Variants in ANAPC5 observed in about 807,000 individuals in gnomAD.
The protein encoded by ANAPC5 is anaphase-promoting complex subunit 5.
In ANAPC5, 60 loss-of-function variants were observed where a neutral mutation model predicts 91.3. The ratio of observed to expected loss-of-function variants is 0.66; its 90% CI spans 0.53 to 0.81. The LOEUF (loss-of-function observed/expected upper bound fraction) is 0.81. Among genes scored for constraint, ANAPC5 ranks in the 40% least tolerant of loss-of-function variants. ANAPC5 has a pLI of 0.00. For synonymous variants in ANAPC5, 340 were observed against 364.1 expected (o/e 0.93, Z 0.75); for missense variants, 690 against 931.5 (o/e 0.74, Z 3.37).
At position 121,347,890 on chromosome 12, in the gene ANAPC5, A is replaced by G; in HGVS notation, c.208-9T>C. The G allele has an allele frequency of 1.9e-6, 3 of 1,585,820 alleles. No individual in the cohort carries two copies. The South Asian group carries it at 3.3e-5, about 18-fold the overall frequency. On this transcript the variant is annotated splice_polypyrimidine_tract_variant and intron_variant, in intron 1 of 16. Coordinates refer to ENST00000261819, the MANE Select transcript of ANAPC5 (RefSeq NM_016237.5). ...AGTGTAATATCTGGGCCCTGTGTAA[A>G]GGAGAGATAGGGAGGTATGGATTTT... is the stretch of plus-strand genomic sequence containing the variant.
At chr12:121,346,685 T>A (rs1172004605) in intron 3 of ANAPC5, 1 of 392,132 alleles carries the variant, frequency 2.6e-6, no homozygotes, top group African/African-American at 2.1e-5. Context: ...AGGCTCTGAC[T>A]CTTACTATTG....
At chr12:121,317,855 A>C (rs1902431717) in intron 15 of ANAPC5, 1 of 152,754 alleles carries the variant, frequency 6.5e-6, no homozygotes. Context: ...ATGAAGAGTC[A>C]ATTCCTTCAT....
intron 15 of ANAPC5, among the ~76,000 whole-genome samples, chr12:121,314,435 A>G (rs530563166): frequency 3.3e-5 from 5 of 152,004 alleles, no homozygotes; most frequent in Non-Finnish European, 5.9e-5. Context: ...AAAAACCCAT[A>G]TGATCAAATC....
intron 6 of ANAPC5, 56 bp downstream of exon 6, chr12:121,337,235 A>C (rs1903271930): frequency 2.8e-6 from 4 of 1,426,596 alleles, no homozygotes; most frequent in South Asian, 2.3e-5. Context: ...AACAAACAAA[A>C]AAAGTTGCCT....
At chr12:121,334,601 C>G (rs1903159608) in intron 7 of ANAPC5, 1 of 152,174 alleles carries the variant, frequency 6.6e-6, no homozygotes, top group South Asian at 2.1e-4. Flanking sequence ...ATTCTATTTA[C>G]TAAAACATAA....
intron 10 of ANAPC5, chr12:121,327,535 A>G (rs1350017177): frequency 3.0e-6 from 1 of 329,374 alleles, no homozygotes. Flanking sequence ...ATTAGTTTTC[A>G]CGGGTGAATT....
chr12:121,336,990 C>T (rs1447612574), intron 6 of ANAPC5, among the ~76,000 whole-genome samples: 1 of 152,082 alleles, frequency 6.6e-6, no homozygotes, highest in Non-Finnish European at 1.5e-5. Flanking sequence ...GAGGCCGACG[C>T]GGGCAGATCA....
intron 4 of ANAPC5, among the ~76,000 whole-genome samples, chr12:121,343,719 C>A (rs534728875): frequency 6.6e-6 from 1 of 152,314 alleles, no homozygotes; most frequent in South Asian, 2.1e-4. Context: ...CATTTATAAA[C>A]AATGTCACCC....
chr12:121,339,432 G>A (rs1903360880), intron 5 of ANAPC5, among the ~76,000 whole-genome samples: 1 of 151,974 alleles, frequency 6.6e-6, no homozygotes, highest in Non-Finnish European at 1.5e-5. Context: ...CCAAAGTATT[G>A]GAGCCCAAGA....
chr12:121,352,397 A>G lies in ANAPC5; in HGVS notation c.-57T>C. On this transcript the variant is annotated 5_prime_UTR_variant, in exon 1 of 17. Transcript: ENST00000261819. The stretch of plus-strand genomic sequence containing the variant: ...CGCGCTGCCGCCAGTTGTCACCACA[A>G]GGCACAACACTACCGGGTCTACATC... The G allele has an allele frequency of 7.1e-7, 1 of 1,401,510 alleles. No homozygotes were observed. Among genetic ancestry groups the G allele is most frequent in the South Asian group, 1.2e-5 (1 of 81,950 alleles). The allele number at this position is 1,401,510 out of a possible 1,614,324, so 86.8% of individuals were successfully genotyped here. A position where few individuals can be genotyped will look rare whatever the true frequency, so the allele number is the denominator to read the frequency against.
Position 121,309,794 on chromosome 12 carries a change from C to T in ANAPC5, c.1963G>A (p.Gly655Arg), listed in dbSNP as rs138614006. The part of the protein sequence containing the change: ...HMAIEPILAD[G>R]AILDKGRAMF... ...GCACGACCTTTGTCCAGGATAGCCC[C>T]GTCAGCCAAGATGGGCTCGATGGCC... The change falls in exon 16 of 17, where the codon GGG (glycine) becomes AGG (arginine). Residue 655 changes from glycine to arginine, a missense_variant. Transcript: ENST00000261819. 34 of 1,614,050 alleles carry T rather than the reference C, an allele frequency of 2.1e-5. No homozygotes were observed. The highest frequency in any genetic ancestry group is 5.0e-5 in the Admixed American group (3 of 59,982).
rs2136759190 is a variant in ANAPC5 at position 121,315,924 on chromosome 12, A to AG, written c.1893+2352_1893+2353insC. On this transcript the variant is annotated intron_variant, in intron 15 of 16. Transcript: ENST00000261819. ...AGACATGATACTAAAAGCACAAGCA[A>AG]CAAAAGAAAAATAAATTGGACTTCA... Among the ~76,000 whole-genome samples, 3 of 152,370 alleles carry AG rather than the reference A, an allele frequency of 2.0e-5. No homozygotes were observed. In the South Asian group the frequency reaches 6.2e-4, roughly 32 times the overall value.
rs1903483482 is a variant in ANAPC5 at position 121,342,123 on chromosome 12, A to AT, written c.591-55dup. ...AAAGAATTACACAAAAGTAAAAATG[A>AT]TAACATTTATAAAATCAGATGGATT... On this transcript the variant is annotated intron_variant, in intron 4 of 16. Transcript: ENST00000261819. This position sits in a 1 kb window ranked among gnomAD's most constrained non-coding sequence, Gnocchi z 4.1. 2 of 1,286,212 alleles carry AT rather than the reference A, an allele frequency of 1.6e-6. No individual in the cohort carries two copies. Among genetic ancestry groups the AT allele is most frequent in the Non-Finnish European group, 2.2e-6 (2 of 918,188 alleles). The allele number at this position is 1,286,212 out of a possible 1,614,324, so 79.7% of individuals were successfully genotyped here.
At position 121,342,656 on chromosome 12, in the gene ANAPC5, CA is replaced by C. The variant is rs1213292289; in HGVS notation, c.591-588del. ...CAGGTGGATCACAAGGTCAAGAGAT[CA>C]AGACCATCCTGACCAACATGGTGAA... On this transcript the variant is annotated intron_variant, in intron 4 of 16. Coordinates refer to ENST00000261819, the MANE Select transcript of ANAPC5 (RefSeq NM_016237.5). The surrounding 1 kb of genome is among the most constrained non-coding windows in gnomAD (Gnocchi z 4.1). Among the ~76,000 whole-genome samples, 19 of 152,192 alleles carry C rather than the reference CA, an allele frequency of 1.2e-4. No homozygotes were observed. The highest frequency in any genetic ancestry group is 2.6e-4 in the Admixed American group (4 of 15,274).
chr12:121,322,867 A>G (rs1182522172), intron 11 of ANAPC5, among the ~76,000 whole-genome samples: 1 of 152,124 alleles, frequency 6.6e-6, no homozygotes, highest in Admixed American at 6.6e-5. Flanking sequence ...GACTAAAAGT[A>G]CAAAAAAATA....
chr12:121,316,327 C>A (rs1171536728), intron 15 of ANAPC5, among the ~76,000 whole-genome samples: 6 of 152,066 alleles, frequency 3.9e-5, no homozygotes, highest in Non-Finnish European at 1.5e-5. Context: ...AAATTGGAAC[C>A]CTCATACATT....
intron 13 of ANAPC5, 141 bp from the exon 14 acceptor site, chr12:121,318,749 G>C: frequency 1.4e-6 from 1 of 725,788 alleles, no homozygotes; most frequent in Non-Finnish European, 2.2e-6. Context: ...GGCTGAGCGC[G>C]GTGGCTCACA....
chr12:121,327,870 A>G (rs1423487310), intron 10 of ANAPC5: 7 of 158,196 alleles, frequency 4.4e-5, no homozygotes, highest in Admixed American at 2.5e-4. Flanking sequence ...CTTTTACACA[A>G]TAGTTTTGGG....
At chr12:121,309,636 T>C in intron 16 of ANAPC5, 65 bp downstream of exon 16, 12 of 1,511,438 alleles carry the variant, frequency 7.9e-6, no homozygotes, top group Non-Finnish European at 1.1e-5. Flanking sequence ...TTTCTTCTTC[T>C]GGGTCCTAAA....
Sources: gnomAD v4.1 joint callset for allele counts (sites outside exome capture counted in the v4.1 genomes callset) on GRCh38, gnomAD v4.1.1 for gene constraint, Gnocchi (gnomAD v3.1) non-coding constraint, MANE v1.5 for transcripts, NCBI Gene and HGNC (gene_info 2026-07-23, HGNC 2026-07-21) for gene names.